DDB2: variants seen among roughly 807,000 people sequenced by gnomAD.
DDB2 encodes damage specific DNA binding protein 2.
A neutral mutation model predicts 50.5 loss-of-function variants in DDB2; 27 were observed. That is an observed-to-expected ratio of 0.53 (90% CI 0.39 to 0.74). The LOEUF (loss-of-function observed/expected upper bound fraction) is 0.74, where lower values mean the gene tolerates loss of function less well. Ranked by LOEUF, DDB2 falls within the 30% of genes least tolerant of loss-of-function variation. The pLI is 0.00. For synonymous variants in DDB2, 176 were observed against 205.5 expected (o/e 0.86, Z 1.23); for missense variants, 424 against 545.6 (o/e 0.78, Z 2.22).
intron 4 of DDB2, chr11:47,233,227 A>C: frequency 2.0e-6 from 1 of 501,752 alleles, no homozygotes; most frequent in South Asian, 2.0e-5. Flanking sequence ...CCCTCACTAG[A>C]TAAGCCAGCA....
rs1241556100 is a variant in DDB2 at position 47,214,992 on chromosome 11, G to C, written c.-145G>C. 1.2e-5 allele frequency: 15 copies of C among 1,214,580 alleles called. No homozygotes were observed. In the Admixed American group the frequency reaches 2.6e-4, roughly 21 times the overall value. The allele number at this position is 1,214,580 out of a possible 1,614,324, so 75.2% of individuals were successfully genotyped here. A position where few individuals can be genotyped will look rare whatever the true frequency, so the allele number is the denominator to read the frequency against. ...CCAAGCTGGTTTGAACAAGCCCTGG[G>C]CATGTTTGGCGGGAAGTTGGCTTAG... On this transcript the variant is annotated 5_prime_UTR_variant, in exon 1 of 10. Transcript: ENST00000256996.
chr11:47,227,506 T>A (rs1192150043), intron 3 of DDB2, among the ~76,000 whole-genome samples: 1 of 141,332 alleles, frequency 7.1e-6, no homozygotes, highest in Non-Finnish European at 1.5e-5. Flanking sequence ...GATGCCTGAA[T>A]TTTTTTTTTT....
At chr11:47,234,969 C>G (rs543384066) in intron 6 of DDB2, 35 bp downstream of exon 6, 1 of 1,610,056 alleles carries the variant, frequency 6.2e-7, no homozygotes, top group African/African-American at 1.3e-5. Context: ...TCCTGCAGAC[C>G]CTGCCTGTCT....
intron 3 of DDB2, chr11:47,229,813 C>T (rs1953617706): frequency 1.0e-5 from 4 of 381,546 alleles, no homozygotes; most frequent in South Asian, 1.8e-5. Context: ...AATTTGATGG[C>T]TCTTCTTTTT....
intron 7 of DDB2, 64 bp from the exon 8 acceptor site, chr11:47,237,772 GT>G: frequency 6.5e-7 from 1 of 1,527,780 alleles, no homozygotes; most frequent in Non-Finnish European, 9.1e-7. Context: ...GTTCATATTT[GT>G]TTTTGATGTC....
intron 7 of DDB2, 69 bp from the exon 8 acceptor site, chr11:47,237,768 A>G: frequency 1.3e-6 from 2 of 1,501,420 alleles, no homozygotes; most frequent in Non-Finnish European, 1.9e-6. Flanking sequence ...CTTTGTTCAT[A>G]TTTGTTTTTG....
In DDB2 at chr11:47,237,850, C is replaced by T; in HGVS notation, c.1037C>T (p.Pro346Leu). The T allele has an allele frequency of 6.2e-7, 1 of 1,614,168 alleles. No individual in the cohort carries two copies. Among genetic ancestry groups the T allele is most frequent in the Non-Finnish European group, 8.5e-7 (1 of 1,180,020 alleles). Residue 346 changes from proline (P) to leucine (L), a missense_variant, in exon 8 of 10, where the codon CCT (proline) becomes CTT (leucine). Transcript: ENST00000256996. ...TCCATCTCCTAGGCAGCCTGGCATCCTCGCTACAACCTCATTGTTGTGGGC... is the reference window on the plus strand; with the variant it reads ...TCCATCTCCTAGGCAGCCTGGCATCTTCGCTACAACCTCATTGTTGTGGGC... The part of the protein sequence containing the change: ...HLTPIKAAWH[P>L]RYNLIVVGRY...
upstream of DDB2, chr11:47,214,956 G>C (rs575126747): frequency 2.8e-5 from 23 of 832,250 alleles, no homozygotes; most frequent in South Asian, 3.5e-4. Flanking sequence ...GAGACGGGTG[G>C]GGCCGGAGCT....
At chr11:47,230,963 T>C (rs1953638762) in intron 3 of DDB2, among the ~76,000 whole-genome samples, 2 of 151,298 alleles carry the variant, frequency 1.3e-5, no homozygotes, top group South Asian at 4.2e-4. Flanking sequence ...TTACTAAAAA[T>C]ACAAAAATTA....
intron 3 of DDB2, among the ~76,000 whole-genome samples, chr11:47,219,778 CTTTA>C (rs550819117): frequency 1.6e-4 from 24 of 151,796 alleles, no homozygotes; most frequent in Non-Finnish European, 2.6e-4. Context: ...GAGGAGGTCT[CTTTA>C]TTTATTTATT....
At chr11:47,219,377 TA>T (rs1190937734) in intron 3 of DDB2, among the ~76,000 whole-genome samples, 1 of 152,140 alleles carries the variant, frequency 6.6e-6, no homozygotes, top group African/African-American at 2.4e-5. Flanking sequence ...TTTTTATTTT[TA>T]TTTTTTGAGT....
intron 2 of DDB2, 32 bp from the exon 3 acceptor site, chr11:47,216,826 A>C: frequency 6.2e-7 from 1 of 1,610,682 alleles, no homozygotes; most frequent in South Asian, 1.1e-5. Context: ...CTTGGGTTTT[A>C]ATTCAACCTA....
At chr11:47,234,220 A>C (rs1168656444) in intron 4 of DDB2, among the ~76,000 whole-genome samples, 2 of 152,110 alleles carry the variant, frequency 1.3e-5, no homozygotes, top group Non-Finnish European at 2.9e-5. Context: ...TGAAGAGTGA[A>C]AGGAGAGAGC....
At chr11:47,235,109 G>T (rs1953705689) in intron 6 of DDB2, 161 bp from the exon 7 acceptor site, 1 of 1,322,974 alleles carries the variant, frequency 7.6e-7, no homozygotes. Context: ...TGAGTTTCCA[G>T]AATTTTTTTG....
chr11:47,221,260 T>C (rs2135491141), intron 3 of DDB2, among the ~76,000 whole-genome samples: 1 of 151,850 alleles, frequency 6.6e-6, no homozygotes, highest in East Asian at 1.9e-4. Context: ...AGCATCCCTC[T>C]GTGCATGTGT....
upstream of DDB2, chr11:47,214,704 G>A (rs1590987011): frequency 3.7e-6 from 1 of 267,084 alleles, no homozygotes; most frequent in East Asian, 7.1e-5. Flanking sequence ...CCAGGAGGTG[G>A]AGGCTGCACT....
rs1469238691 is a variant in DDB2, at chr11:47,216,435, A to G, written c.227A>G (p.His76Arg). Reference protein sequence around the residue: ...CRSIVRTLHQHKLGRASWPSV... With the variant: ...CRSIVRTLHQRKLGRASWPSV... ...AGCATCGTCAGGACCCTCCACCAGC[A>G]TAAGCTGGGCAGAGCTTCCTGGCCA... Residue 76 changes from histidine to arginine, a missense_variant, in exon 2 of 10, where the codon CAT becomes CGT. Physicochemically the swap from His to Arg is conservative, Grantham distance 29. Coordinates refer to ENST00000256996, the MANE Select transcript of DDB2 (RefSeq NM_000107.3). The G allele has an allele frequency of 3.7e-6, 6 of 1,613,946 alleles. No homozygotes were observed. The African/African-American group carries it at 4.0e-5, about 11-fold the overall frequency.
At chr11:47,235,181 G>A in intron 6 of DDB2, 89 bp from the exon 7 acceptor site, 2 of 1,559,486 alleles carry the variant, frequency 1.3e-6, no homozygotes, top group South Asian at 1.1e-5. Context: ...GGAGTGGGAG[G>A]GAGAGTACCC....
At chr11:47,216,023 C>T in intron 1 of DDB2, 1 of 451,404 alleles carries the variant, frequency 2.2e-6, no homozygotes, top group Admixed American at 3.5e-5. Flanking sequence ...TTTTGCAGCC[C>T]AAACTGGGAA....
Sources: gnomAD v4.1 joint callset for allele counts (sites outside exome capture counted in the v4.1 genomes callset) on GRCh38, gnomAD v4.1.1 for gene constraint, MANE v1.5 for transcripts, NCBI Gene and HGNC (gene_info 2026-07-23, HGNC 2026-07-21) for gene names.